TBX19: variants seen among roughly 807,000 people sequenced by gnomAD.
TBX19 encodes the protein T-box transcription factor 19, also known as T-box transcription factor TBX19.
Under a neutral mutation model 40.9 loss-of-function variants are expected in TBX19, and 33 were observed. That is an observed-to-expected ratio of 0.81 (90% confidence interval 0.61 to 1.08). The LOEUF (loss-of-function observed/expected upper bound fraction) is 1.08, where lower values mean the gene tolerates loss of function less well. Ranked by LOEUF, TBX19 falls within the 50% of genes least tolerant of loss-of-function variation. TBX19 has a pLI of 0.00. For missense variants in TBX19, 494 were observed against 574.0 expected (o/e 0.86, Z 1.42); for synonymous variants, 220 against 225.0 (o/e 0.98, Z 0.20).
In TBX19 at chr1:168,291,295, G is replaced by A. The variant is rs1648933248; in HGVS notation, c.339G>A (p.Lys113=). The change falls in exon 2 of 8, where the codon AAG becomes AAA. Residue 113 remains lysine (K), a synonymous_variant. Coordinates refer to ENST00000367821, the MANE Select transcript of TBX19 (RefSeq NM_005149.3). The part of the protein sequence containing the change: ...YVNGEWVPAG[K]PEVSSHSCVY... The stretch of plus-strand genomic sequence containing the variant: ...ACGGGGAATGGGTGCCCGCTGGCAA[G>A]CCAGAGGTCTCCAGCCACAGCTGCG... 1.2e-6 allele frequency: 2 copies of A among 1,614,104 alleles called. No homozygotes were observed. Among genetic ancestry groups the A allele is most frequent in the Admixed American group, 3.3e-5 (2 of 60,008 alleles).
rs1278309261 is a variant in TBX19, at chr1:168,281,112, A to G, written c.22A>G (p.Thr8Ala). The G allele has an allele frequency of 1.2e-6, 2 of 1,613,970 alleles. No homozygotes were observed. Among genetic ancestry groups the G allele is most frequent in the East Asian group, 4.5e-5 (2 of 44,892 alleles). Reference sequence around the variant, plus strand: ...GCCTATGGCCATGAGTGAGCTGGGCACTCGGAAGCCCAGCGATGGCACTGT... The same window carrying G: ...GCCTATGGCCATGAGTGAGCTGGGCGCTCGGAAGCCCAGCGATGGCACTGT... MAMSELG[T>A]RKPSDGTVSH... Residue 8 changes from threonine (T) to alanine (A), a missense_variant, in exon 1 of 8, where the codon ACT becomes GCT. This residue lies in a region of TBX19 where 201 missense variants were observed against 235.2 expected (regional missense o/e 0.85). Transcript: ENST00000367821.
chr1:168,283,977 T>C (rs1483418626), intron 1 of TBX19, among the ~76,000 whole-genome samples: 1 of 152,216 alleles, frequency 6.6e-6, no homozygotes, highest in Non-Finnish European at 1.5e-5. Context: ...AATAGGAAGC[T>C]TGCCTCTGAC....
chr1:168,297,714 T>C lies in TBX19; in HGVS notation c.604-10T>C. 1 of 1,613,710 alleles carries C rather than the reference T, an allele frequency of 6.2e-7. No homozygotes were observed. Among genetic ancestry groups the C allele is most frequent in the Non-Finnish European group, 8.5e-7 (1 of 1,179,594 alleles). On this transcript the variant is annotated splice_polypyrimidine_tract_variant and intron_variant, in intron 3 of 7. Transcript: ENST00000367821. ...CTTTTACTAACACTTCTTGTCTTTG[T>C]AAATGCAAGATAACGGCTCTCAAAA... is the stretch of plus-strand genomic sequence containing the variant.
At chr1:168,311,624 A>G (rs1195150208) in intron 7 of TBX19, among the ~76,000 whole-genome samples, 4 of 152,238 alleles carry the variant, frequency 2.6e-5, no homozygotes, top group Non-Finnish European at 5.9e-5. Context: ...GACTCCATAA[A>G]TATTTTGTTA....
chr1:168,313,526 A>G lies in TBX19; in HGVS notation c.*524A>G, dbSNP rs2102365542. ...ATAAAGCTAATCATGTATTACAAAC[A>G]GCAGTGTGCCCAGACTTGTGGAAAT... On this transcript the variant is annotated 3_prime_UTR_variant, in exon 8 of 8. Transcript: ENST00000367821. 1 of 180,896 alleles carries G rather than the reference A, an allele frequency of 5.5e-6. No homozygotes were observed. The highest frequency in any genetic ancestry group is 1.5e-4 in the East Asian group (1 of 6,856). The allele number at this position is 180,896 out of a possible 1,614,324, so 11.2% of individuals were successfully genotyped here.
intron 3 of TBX19, among the ~76,000 whole-genome samples, chr1:168,295,340 A>C (rs957852724): frequency 1.4e-4 from 22 of 152,130 alleles, no homozygotes; most frequent in African/African-American, 5.3e-4. Context: ...TTTATTTGGA[A>C]GCTTTAAAGA....
chr1:168,303,753 G>C (rs1649337938), intron 5 of TBX19, among the ~76,000 whole-genome samples: 3 of 152,316 alleles, frequency 2.0e-5, no homozygotes, highest in African/African-American at 4.8e-5. Flanking sequence ...AATTCCCACA[G>C]CTGAGGGTTG....
At chr1:168,308,942 C>T (rs1300747425) in intron 7 of TBX19, 65 bp downstream of exon 7, 26 of 1,608,220 alleles carry the variant, frequency 1.6e-5, no homozygotes, top group Non-Finnish European at 2.2e-5. Context: ...ACTGGGGACT[C>T]AAGTTCATTC....
rs182396194 is a variant in TBX19 at position 168,289,622 on chromosome 1, A to G, written c.204-1538A>G. On this transcript the variant is annotated intron_variant, in intron 1 of 7. Coordinates refer to ENST00000367821, the MANE Select transcript of TBX19 (RefSeq NM_005149.3). ...ATTTAAATTAATTTTCTCTCCTTGA[A>G]CACACCAACACAGCCTCATAAAGTT... Among the ~76,000 whole-genome samples, 23 of 152,292 alleles carry G rather than the reference A, an allele frequency of 1.5e-4. No homozygotes were observed. The East Asian group carries it at 4.0e-3, about 27-fold the overall frequency.
chr1:168,285,696 G>C (rs1362581491), intron 1 of TBX19, among the ~76,000 whole-genome samples: 1 of 152,202 alleles, frequency 6.6e-6, no homozygotes, highest in Non-Finnish European at 1.5e-5. Flanking sequence ...AAATTATGCT[G>C]TTACTTAGGG....
intron 1 of TBX19, among the ~76,000 whole-genome samples, chr1:168,281,583 A>G (rs1178493612): frequency 6.6e-6 from 1 of 152,268 alleles, no homozygotes; most frequent in African/African-American, 2.4e-5. Flanking sequence ...ATGGACTTAA[A>G]TGTCAGAAAA....
At chr1:168,295,694 T>C (rs1649086669) in intron 3 of TBX19, among the ~76,000 whole-genome samples, 1 of 152,192 alleles carries the variant, frequency 6.6e-6, no homozygotes. Flanking sequence ...CTCCCAGCTT[T>C]TCTCCCTGGG....
chr1:168,310,905 CATATAA>C, intron 7 of TBX19, among the ~76,000 whole-genome samples: 1 of 146,272 alleles, frequency 6.8e-6, no homozygotes, highest in East Asian at 2.0e-4. Flanking sequence ...TAAATATATA[CATATAA>C]ATATATATAT....
At chr1:168,303,700 C>T (rs1427053752) in intron 5 of TBX19, among the ~76,000 whole-genome samples, 1 of 152,170 alleles carries the variant, frequency 6.6e-6, no homozygotes, top group Non-Finnish European at 1.5e-5. Flanking sequence ...ATATGCTATA[C>T]AGGGGGTGGA....
At chr1:168,286,974 T>C (rs1425587287) in intron 1 of TBX19, among the ~76,000 whole-genome samples, 4 of 152,238 alleles carry the variant, frequency 2.6e-5, no homozygotes, top group Admixed American at 2.6e-4. Flanking sequence ...ATTTCTCTGA[T>C]GGCTGATGAG....
At chr1:168,286,901 C>T (rs1299440370) in intron 1 of TBX19, among the ~76,000 whole-genome samples, 5 of 152,190 alleles carry the variant, frequency 3.3e-5, no homozygotes, top group Non-Finnish European at 7.3e-5. Flanking sequence ...TTATTGTCTG[C>T]TTTTCATATT....
chr1:168,301,455 G>A (rs891556758), intron 5 of TBX19, among the ~76,000 whole-genome samples: 1 of 152,080 alleles, frequency 6.6e-6, no homozygotes, highest in African/African-American at 2.4e-5. Context: ...TAGAGATGGG[G>A]TTTCACCATA....
At chr1:168,310,625 T>C (rs951476468) in intron 7 of TBX19, among the ~76,000 whole-genome samples, 5 of 150,600 alleles carry the variant, frequency 3.3e-5, no homozygotes, top group South Asian at 2.1e-4. Flanking sequence ...ATTTTGAAGA[T>C]TTAGTGTGAA....
In TBX19 at chr1:168,313,303, A is replaced by G; in HGVS notation, c.*301A>G. ...CTTGTGCCCTGCCTCTTATTCTCAA[A>G]TCGTTCTGGAAAGCCTCACTTCCTT... On this transcript the variant is annotated 3_prime_UTR_variant, in exon 8 of 8. Transcript: ENST00000367821. The G allele has an allele frequency of 2.3e-6, 1 of 444,434 alleles. No individual in the cohort carries two copies. The highest frequency in any genetic ancestry group is 3.6e-5 in the Admixed American group (1 of 27,600). The allele number at this position is 444,434 out of a possible 1,614,324, so 27.5% of individuals were successfully genotyped here.
Sources: gnomAD v4.1 joint callset for allele counts (sites outside exome capture counted in the v4.1 genomes callset) on GRCh38, gnomAD v4.1.1 for gene constraint, gnomAD v4.1.1 regional missense constraint, MANE v1.5 for transcripts, NCBI Gene and HGNC (gene_info 2026-07-23, HGNC 2026-07-21) for gene names.